SPTLC3: variants seen among roughly 807,000 people sequenced by gnomAD.
SPTLC3 encodes serine palmitoyltransferase long chain base subunit 3, also known as serine palmitoyltransferase 3.
SPTLC3 carries 36 observed loss-of-function variants against 59.3 expected under a neutral mutation model. That is an observed-to-expected ratio of 0.61 (90% CI 0.47 to 0.80). The LOEUF is 0.80. Among genes scored for constraint, SPTLC3 ranks in the 30% least tolerant of loss-of-function variants. SPTLC3 has a pLI of 0.00. For missense variants in SPTLC3, 625 were observed against 685.1 expected, an observed-to-expected ratio of 0.91 and a Z score of 0.98; for synonymous variants, 257 against 240.8, an observed-to-expected ratio of 1.07 and a Z score of -0.62.
intron 2 of SPTLC3, among the ~76,000 whole-genome samples, chr20:13,067,307 G>A (rs1187023261): frequency 1.3e-5 from 2 of 151,946 alleles, no homozygotes; most frequent in Non-Finnish European, 2.9e-5. Context: ...ATAGAAAGAG[G>A]ATGAAGGGAT....
chr20:13,066,820 T>C (rs899470657), intron 2 of SPTLC3, among the ~76,000 whole-genome samples: 2 of 151,958 alleles, frequency 1.3e-5, no homozygotes, highest in Non-Finnish European at 2.9e-5. Context: ...AATCTTGCCA[T>C]GTCTATTAGA....
chr20:13,071,685 C>T lies in SPTLC3; in HGVS notation c.304-571C>T, dbSNP rs1262265035. On this transcript the variant is annotated intron_variant, in intron 2 of 11. Transcript: ENST00000399002. ...CTTGCTTTAAGCCTCAGCTAGATTG[C>T]AGATCCCTTTGGTCATGGATTACAC... Among the ~76,000 whole-genome samples the T allele has an allele frequency of 1.8e-4, 28 of 152,116 alleles. 1 individual carries two copies. Among genetic ancestry groups the T allele is most frequent in the Admixed American group, 1.8e-3 (28 of 15,282 alleles).
intron 10 of SPTLC3, among the ~76,000 whole-genome samples, chr20:13,155,718 C>T (rs948258598): frequency 1.3e-5 from 2 of 151,852 alleles, no homozygotes; most frequent in East Asian, 1.9e-4. Flanking sequence ...CCCAGCTACT[C>T]GGGAGGCTGA....
chr20:13,015,986 G>A lies in SPTLC3; in HGVS notation c.117+6602G>A, dbSNP rs554168650. On this transcript the variant is annotated intron_variant, in intron 1 of 11. Coordinates refer to ENST00000399002, the MANE Select transcript of SPTLC3 (RefSeq NM_018327.4). ...AAAAACAAAACAAGAATAACACCGT[G>A]AAATAACCAAAAGGCAAATTACAGA... Among the ~76,000 whole-genome samples, 8 of 151,962 alleles carry A rather than the reference G, an allele frequency of 5.3e-5. No individual in the cohort carries two copies. In the East Asian group the frequency reaches 1.5e-3, roughly 29 times the overall value.
At chr20:13,054,529 G>A (rs1987638119) in intron 2 of SPTLC3, among the ~76,000 whole-genome samples, 1 of 152,184 alleles carries the variant, frequency 6.6e-6, no homozygotes, top group Non-Finnish European at 1.5e-5. Context: ...AAAAGGCCAG[G>A]AGATGTTTAA....
rs573986495 is a variant in SPTLC3, at chr20:13,096,482, T to C, written c.826+2905T>C. Among the ~76,000 whole-genome samples, 9 of 150,462 alleles carry C rather than the reference T, an allele frequency of 6.0e-5. No homozygotes were observed. In the East Asian group the frequency reaches 1.4e-3, roughly 23 times the overall value. On this transcript the variant is annotated intron_variant, in intron 6 of 11. Coordinates refer to ENST00000399002, the MANE Select transcript of SPTLC3 (RefSeq NM_018327.4). ...CAACAAGCTACTGCTACACATAACA[T>C]GGCTGACTCTCAAGAAAAATTATTT... is the stretch of plus-strand genomic sequence containing the variant.
chr20:13,081,338 A>C (rs1988836072), intron 4 of SPTLC3, among the ~76,000 whole-genome samples: 1 of 152,240 alleles, frequency 6.6e-6, no homozygotes, highest in Non-Finnish European at 1.5e-5. Context: ...TAATCATTAG[A>C]GAATTTGTAA....
chr20:13,022,518 A>G (rs184639769), intron 1 of SPTLC3, among the ~76,000 whole-genome samples: 4 of 152,248 alleles, frequency 2.6e-5, no homozygotes, highest in Admixed American at 2.6e-4. Flanking sequence ...GGATGACTCA[A>G]CTGGCTGGGC....
Position 13,089,839 on chromosome 20 carries a change from T to A in SPTLC3, c.608-1244T>A, listed in dbSNP as rs868085956. On this transcript the variant is annotated intron_variant, in intron 4 of 11. Transcript: ENST00000399002. ...GTGCTATTTTACATTCTTTTTGTCA[T>A]CGTACTATGGCTTCAGAAAATGGTA... 4.8e-4 allele frequency among the ~76,000 whole-genome samples: 73 copies of A among 151,084 alleles called. 2 individuals carry two copies. Among genetic ancestry groups the A allele is most frequent in the Admixed American group, 3.0e-3 (45 of 15,162 alleles).
chr20:13,115,628 A>G (rs546582639), intron 7 of SPTLC3, among the ~76,000 whole-genome samples: 6 of 152,192 alleles, frequency 3.9e-5, no homozygotes, highest in Non-Finnish European at 7.3e-5. Flanking sequence ...ATTATGTATG[A>G]CATCCAGCAT....
At chr20:13,019,992 C>G (rs1253534741) in intron 1 of SPTLC3, among the ~76,000 whole-genome samples, 1 of 152,048 alleles carries the variant, frequency 6.6e-6, no homozygotes, top group Non-Finnish European at 1.5e-5. Context: ...TGTGTGTATT[C>G]CCTGACTTCC....
intron 8 of SPTLC3, 86 bp from the exon 9 acceptor site, chr20:13,126,505 A>C: frequency 6.8e-7 from 1 of 1,469,168 alleles, no homozygotes; most frequent in Admixed American, 2.1e-5. Context: ...TTTTGCTATG[A>C]GGATAGGGAT....
At chr20:13,112,086 C>T (rs6105039) in intron 7 of SPTLC3, among the ~76,000 whole-genome samples, 6,809 of 152,280 alleles carry the variant, frequency 0.045, 486 homozygotes, top group African/African-American at 0.15. Flanking sequence ...TAACAAACCA[C>T]CCAAAGCATA....
At chr20:13,132,367 G>A (rs955453764) in intron 9 of SPTLC3, among the ~76,000 whole-genome samples, 1 of 151,774 alleles carries the variant, frequency 6.6e-6, no homozygotes, top group Non-Finnish European at 1.5e-5. Flanking sequence ...AGTAGAGACA[G>A]GGTTTCACCA....
intron 2 of SPTLC3, among the ~76,000 whole-genome samples, chr20:13,055,712 G>A (rs978026902): frequency 3.9e-5 from 6 of 152,130 alleles, no homozygotes; most frequent in African/African-American, 1.2e-4. Flanking sequence ...TTCCTAGAAA[G>A]CCTACTCTGG....
intron 4 of SPTLC3, among the ~76,000 whole-genome samples, chr20:13,086,986 G>A (rs1044653939): frequency 6.6e-6 from 1 of 151,960 alleles, no homozygotes; most frequent in African/African-American, 2.4e-5. Context: ...TTAGAGATGG[G>A]GTTCTCACTG....
intron 1 of SPTLC3, among the ~76,000 whole-genome samples, chr20:13,016,724 G>A (rs4813104): frequency 0.19 from 29,041 of 152,036 alleles, 3,496 homozygotes; most frequent in South Asian, 0.37. Context: ...CTTTCACTGT[G>A]ACTAAAGATA....
intron 9 of SPTLC3, among the ~76,000 whole-genome samples, chr20:13,133,842 T>C (rs1156720065): frequency 6.6e-6 from 1 of 152,190 alleles, no homozygotes; most frequent in Non-Finnish European, 1.5e-5. Flanking sequence ...ATGTAGTTCA[T>C]GTAGCATTTT....
At chr20:13,045,710 TCTC>T (rs1383434786) in intron 1 of SPTLC3, among the ~76,000 whole-genome samples, 1 of 152,186 alleles carries the variant, frequency 6.6e-6, no homozygotes, top group Non-Finnish European at 1.5e-5. Flanking sequence ...TTTGAAATTT[TCTC>T]CTTTGTGTTA....
Sources: gnomAD v4.1 joint callset for allele counts (sites outside exome capture counted in the v4.1 genomes callset) on GRCh38, gnomAD v4.1.1 for gene constraint, MANE v1.5 for transcripts, NCBI Gene and HGNC (gene_info 2026-07-23, HGNC 2026-07-21) for gene names.